The following CCDC38 variants were observed in gnomAD, a reference collection of about 807,000 sequenced individuals.
CCDC38 encodes coiled-coil domain-containing protein 38.
A neutral mutation model predicts 72.8 loss-of-function variants in CCDC38; 69 were observed. The ratio of observed to expected loss-of-function variants is 0.95; its 90% CI spans 0.78 to 1.16. The LOEUF (loss-of-function observed/expected upper bound fraction) is 1.16, where lower values mean the gene tolerates loss of function less well. Among genes scored for constraint, CCDC38 ranks in the 50% most tolerant of loss-of-function variants. The probability of loss-of-function intolerance (pLI) is 0.00; values close to 1 mark genes in which losing one functional copy is unlikely to be tolerated. For synonymous variants in CCDC38, 201 were observed against 213.2 expected (o/e 0.94, Z 0.50); for missense variants, 626 against 638.9 (o/e 0.98, Z 0.22).
At chr12:95,940,469 A>G (rs373671010) in intron 1 of CCDC38, among the ~76,000 whole-genome samples, 1 of 152,244 alleles carries the variant, frequency 6.6e-6, no homozygotes, top group Non-Finnish European at 1.5e-5. Context: ...CTAAAACCCA[A>G]TGAAAACGAA....
At chr12:95,917,928 A>G (rs1165052668) in intron 3 of CCDC38, among the ~76,000 whole-genome samples, 1 of 152,052 alleles carries the variant, frequency 6.6e-6, no homozygotes, top group African/African-American at 2.4e-5. Context: ...CTTGAGAGGA[A>G]AGGGATCTCC....
chr12:95,906,178 G>C (rs1191852839), intron 5 of CCDC38, among the ~76,000 whole-genome samples: 1 of 152,192 alleles, frequency 6.6e-6, no homozygotes, highest in Non-Finnish European at 1.5e-5. Flanking sequence ...TAAATCCTTT[G>C]AGAGGCAGGT....
At chr12:95,931,280 T>A (rs933133062) in intron 2 of CCDC38, among the ~76,000 whole-genome samples, 8 of 152,234 alleles carry the variant, frequency 5.3e-5, no homozygotes, top group Middle Eastern at 3.2e-3. Context: ...TAGCCTCTAC[T>A]TCCATTGTCA....
At chr12:95,896,186 A>G (rs1017094034) in intron 7 of CCDC38, among the ~76,000 whole-genome samples, 1 of 152,138 alleles carries the variant, frequency 6.6e-6, no homozygotes, top group Non-Finnish European at 1.5e-5. Flanking sequence ...TCCTCAGGAC[A>G]GCACTTTAAA....
intron 4 of CCDC38, 115 bp from the exon 5 acceptor site, chr12:95,906,566 T>C: frequency 2.9e-6 from 2 of 679,908 alleles, no homozygotes; most frequent in Non-Finnish European, 4.9e-6. Flanking sequence ...CTTTTAAAAA[T>C]ACTATATCTT....
intron 1 of CCDC38, among the ~76,000 whole-genome samples, chr12:95,939,034 C>G (rs2080422347): frequency 6.6e-6 from 1 of 152,216 alleles, no homozygotes; most frequent in South Asian, 2.1e-4. Context: ...CATAGACTCT[C>G]TCTATGTCCC....
chr12:95,871,379 G>A (rs563703487), intron 14 of CCDC38, among the ~76,000 whole-genome samples: 7 of 152,268 alleles, frequency 4.6e-5, no homozygotes, highest in South Asian at 2.1e-4. Flanking sequence ...GAGGATGTAC[G>A]TAGGTTATAT....
chr12:95,901,872 T>C (rs2079953739), intron 5 of CCDC38, among the ~76,000 whole-genome samples: 2 of 152,046 alleles, frequency 1.3e-5, no homozygotes, highest in Admixed American at 6.5e-5. Flanking sequence ...AGGCAGGAAA[T>C]AAGTATAATG....
intron 5 of CCDC38, chr12:95,903,474 G>A (rs1371047342): frequency 1.4e-6 from 1 of 700,228 alleles, no homozygotes; most frequent in Non-Finnish European, 2.6e-6. Context: ...CTAATCTTAG[G>A]GGGAAAGCAT....
At chr12:95,927,177 A>G (rs2080280734) in intron 2 of CCDC38, among the ~76,000 whole-genome samples, 1 of 152,098 alleles carries the variant, frequency 6.6e-6, no homozygotes, top group African/African-American at 2.4e-5. Flanking sequence ...GTGGGAGTCT[A>G]AGTCTCTTTC....
At chr12:95,916,514 C>T (rs1158851782) in intron 4 of CCDC38, among the ~76,000 whole-genome samples, 3 of 151,848 alleles carry the variant, frequency 2.0e-5, no homozygotes, top group South Asian at 2.1e-4. Flanking sequence ...GCATTAATCA[C>T]TTTATTTTCA....
intron 13 of CCDC38, 142 bp from the exon 14 acceptor site, chr12:95,872,602 TCTCA>T (rs1351272453): frequency 3.2e-6 from 2 of 630,594 alleles, no homozygotes; most frequent in African/African-American, 1.8e-5. Flanking sequence ...TGAGACGGAG[TCTCA>T]CTCTGTCACC....
At position 95,867,121 on chromosome 12, in the gene CCDC38, A is replaced by T; in HGVS notation, c.1647T>A (p.Asn549Lys). ...SGNKQQLPLV[N>K]ETKTKSQEEE... ...CCTCTTGTGATTTTGTTTTTGTTTC[A>T]TTGACTAAAGGTAGCTGCTGTTTGT... The change falls in exon 16 of 16, where the codon AAT becomes AAA. Residue 549 changes from asparagine (N) to lysine (K), a missense_variant. Physicochemically the swap from Asn to Lys is moderately conservative, Grantham distance 94. Coordinates refer to ENST00000344280, the MANE Select transcript of CCDC38 (RefSeq NM_182496.3). The T allele has an allele frequency of 6.2e-7, 1 of 1,609,256 alleles. No individual in the cohort carries two copies. The highest frequency in any genetic ancestry group is 8.5e-7 in the Non-Finnish European group (1 of 1,177,420).
intron 5 of CCDC38, among the ~76,000 whole-genome samples, chr12:95,899,512 T>C (rs1251528838): frequency 6.6e-6 from 1 of 152,190 alleles, no homozygotes; most frequent in African/African-American, 2.4e-5. Flanking sequence ...TCAGCCAGGC[T>C]GGTCTCAAAC....
chr12:95,918,920 CT>C lies in CCDC38; in HGVS notation c.93del (p.Asp32IlefsTer19). On this transcript the variant is annotated frameshift_variant, in exon 3 of 16. Coordinates refer to ENST00000344280, the MANE Select transcript of CCDC38 (RefSeq NM_182496.3). LOFTEE classifies it high-confidence loss of function. ...KEDRPYKIFFRDLFLVKENEM... is the reference protein window; with the variant it reads ...KEDRPYKIFFXDLFLVKENEM... ...TCATTTTCTTTGACAAGAAAGAGATCTCTGAAAAAGATCTTATAAGGCCTGT... is the reference window on the plus strand; with the variant it reads ...TCATTTTCTTTGACAAGAAAGAGATCCTGAAAAAGATCTTATAAGGCCTGT... 1 of 1,612,932 alleles carries C rather than the reference CT, an allele frequency of 6.2e-7. No homozygotes were observed. Among genetic ancestry groups the C allele is most frequent in the Non-Finnish European group, 8.5e-7 (1 of 1,179,104 alleles).
At chr12:95,916,388 C>CCTTCCTTCCTT (rs1397919714) in intron 4 of CCDC38, among the ~76,000 whole-genome samples, 1 of 144,822 alleles carries the variant, frequency 6.9e-6, no homozygotes, top group African/African-American at 2.9e-5. Context: ...TGCCTTCCTT[C>CCTTCCTTCCTT]CTTCCTTCCT....
intron 13 of CCDC38, among the ~76,000 whole-genome samples, chr12:95,876,391 CTACTGACCCG>C (rs1462509023): frequency 6.6e-6 from 1 of 152,126 alleles, no homozygotes. Flanking sequence ...GTACTTAACA[CTACTGACCCG>C]TACATTTAAA....
chr12:95,906,871 A>C (rs2080009628), intron 4 of CCDC38, among the ~76,000 whole-genome samples: 1 of 141,820 alleles, frequency 7.1e-6, no homozygotes, highest in Admixed American at 7.2e-5. Flanking sequence ...TTTCTCGCAG[A>C]GGGGGATTTG....
rs1375473887 is a variant in CCDC38, at chr12:95,916,480, A to G, written c.304+649T>C. On this transcript the variant is annotated intron_variant, in intron 4 of 15. Coordinates refer to ENST00000344280, the MANE Select transcript of CCDC38 (RefSeq NM_182496.3). ...ATTTGGAAAACATTCATTTTGGGGG[A>G]AGATTTTAGACTCCATCATCCTAGC... Among the ~76,000 whole-genome samples the G allele has an allele frequency of 6.6e-5, 10 of 151,290 alleles. No homozygotes were observed. In the East Asian group the frequency reaches 1.9e-3, roughly 29 times the overall value.
Sources: allele counts gnomAD v4.1 joint callset (sites outside exome capture counted in the v4.1 genomes callset), GRCh38; gene constraint gnomAD v4.1.1; transcripts MANE v1.5; gene names NCBI Gene and HGNC (gene_info 2026-07-23, HGNC 2026-07-21).